DAB1: variants seen among roughly 807,000 people sequenced by gnomAD.
DAB1 encodes the protein DAB adaptor protein 1.
A neutral mutation model predicts 64.6 loss-of-function variants in DAB1; 15 were observed. The observed-to-expected ratio is 0.23, with a 90% CI of 0.16 to 0.36. The LOEUF (loss-of-function observed/expected upper bound fraction) is 0.36. DAB1 is among the 10% of genes least tolerant of loss of function. The pLI, the probability that DAB1 is intolerant of heterozygous loss-of-function variation, is 1.00. For synonymous variants in DAB1, 235 were observed against 251.9 expected, an observed-to-expected ratio of 0.93 and a Z score of 0.64; for missense variants, 596 against 706.7, an observed-to-expected ratio of 0.84 and a Z score of 1.78.
chr1:57,476,239 A>G (rs1212534309), intron 7 of DAB1, among the ~76,000 whole-genome samples: 2 of 151,604 alleles, frequency 1.3e-5, no homozygotes, highest in Non-Finnish European at 2.9e-5. Context: ...AAAAAAAAAA[A>G]ACAAAAAACA....
intron 3 of DAB1, among the ~76,000 whole-genome samples, chr1:58,485,972 T>C (rs906248504): frequency 5.9e-5 from 9 of 152,208 alleles, no homozygotes; most frequent in Admixed American, 2.6e-4. Context: ...CTGAGAATCC[T>C]GAGGAAGATT....
intron 2 of DAB1, among the ~76,000 whole-genome samples, chr1:57,230,775 C>G (rs1000954013): frequency 6.6e-6 from 1 of 152,104 alleles, no homozygotes; most frequent in Admixed American, 6.5e-5. Context: ...CAATTCTTCT[C>G]TTCTAGCTAT....
chr1:58,370,909 C>A (rs1388371555), intron 3 of DAB1, among the ~76,000 whole-genome samples: 1 of 152,178 alleles, frequency 6.6e-6, no homozygotes, highest in African/African-American at 2.4e-5. Flanking sequence ...CTCAATTAAA[C>A]CTCTTTCCTT....
At chr1:57,916,700 G>A (rs1644732029) in intron 5 of DAB1, among the ~76,000 whole-genome samples, 1 of 152,206 alleles carries the variant, frequency 6.6e-6, no homozygotes, top group Non-Finnish European at 1.5e-5. Context: ...CACTTTGGGA[G>A]GCCAAGGCGA....
intron 5 of DAB1, among the ~76,000 whole-genome samples, chr1:57,897,675 A>G (rs1294705114): frequency 2.6e-5 from 4 of 152,166 alleles, no homozygotes; most frequent in Admixed American, 2.6e-4. Flanking sequence ...AAGGAAACGC[A>G]GCTTGGGATG....
At chr1:57,079,156 C>T (rs1652250959) in intron 4 of DAB1, among the ~76,000 whole-genome samples, 1 of 152,078 alleles carries the variant, frequency 6.6e-6, no homozygotes, top group African/African-American at 2.4e-5. Context: ...AACAAGAGTT[C>T]TCTCTTGAGT....
At chr1:58,067,175 A>G (rs1048390728) in intron 5 of DAB1, among the ~76,000 whole-genome samples, 7 of 152,202 alleles carry the variant, frequency 4.6e-5, no homozygotes, top group Admixed American at 1.3e-4. Context: ...TATTTGAGTG[A>G]CTAAAATCAC....
chr1:58,039,705 C>T (rs879908955), intron 5 of DAB1, among the ~76,000 whole-genome samples: 4 of 152,126 alleles, frequency 2.6e-5, no homozygotes, highest in African/African-American at 4.8e-5. Context: ...CAGTGTGGCC[C>T]GGTAGTGAAG....
intron 4 of DAB1, among the ~76,000 whole-genome samples, chr1:58,306,467 C>T (rs938457071): frequency 3.3e-5 from 5 of 152,138 alleles, no homozygotes; most frequent in South Asian, 4.1e-4. Flanking sequence ...CCAATTCCTG[C>T]GCTGTTTCCC....
intron 1 of DAB1, among the ~76,000 whole-genome samples, chr1:57,305,345 C>A (rs956844236): frequency 2.0e-5 from 3 of 152,148 alleles, no homozygotes; most frequent in Admixed American, 1.3e-4. Context: ...AAAGGGAAAT[C>A]AAAAATACAG....
chr1:57,619,010 G>A (rs935105058), intron 7 of DAB1, among the ~76,000 whole-genome samples: 1 of 152,202 alleles, frequency 6.6e-6, no homozygotes, highest in Non-Finnish European at 1.5e-5. Flanking sequence ...AGAATTAAAT[G>A]AGTTAACCTT....
chr1:57,976,001 C>T (rs947566790), intron 5 of DAB1, among the ~76,000 whole-genome samples: 6 of 152,198 alleles, frequency 3.9e-5, no homozygotes, highest in African/African-American at 1.4e-4. Flanking sequence ...CCAGTTGGGT[C>T]ACTGTTCACT....
chr1:57,985,172 T>C (rs1441967321), intron 5 of DAB1, among the ~76,000 whole-genome samples: 1 of 152,216 alleles, frequency 6.6e-6, no homozygotes, highest in Admixed American at 6.5e-5. Context: ...CCTCCCAAAG[T>C]GCTGGGGTCG....
intron 4 of DAB1, among the ~76,000 whole-genome samples, chr1:58,284,595 T>A (rs529158809): frequency 6.6e-6 from 1 of 152,394 alleles, no homozygotes; most frequent in Admixed American, 6.5e-5. Context: ...AGGGCTTATG[T>A]TCATTTTGCT....
intron 7 of DAB1, among the ~76,000 whole-genome samples, chr1:57,518,185 G>GTCATCA (rs1379015614): frequency 6.8e-5 from 10 of 147,308 alleles, no homozygotes; most frequent in African/African-American, 2.7e-4. Flanking sequence ...AATTGTCGTT[G>GTCATCA]TCGTCATCAT....
rs551766924 is a variant in DAB1, at chr1:57,279,035, G to A, written c.67+11929C>T. On this transcript the variant is annotated intron_variant, in intron 2 of 14. Coordinates refer to ENST00000371236, the MANE Select transcript of DAB1 (RefSeq NM_001365792.1). The stretch of plus-strand genomic sequence containing the variant: ...TATTATTTCAGGTTTGGGGATGCCC[G>A]CTGGGAGGTGAACTAGGCTGATGAT... Among the ~76,000 whole-genome samples, 15 of 152,290 alleles carry A rather than the reference G, an allele frequency of 9.8e-5. 1 individual carries two copies. The highest frequency in any genetic ancestry group is 4.1e-4 in the South Asian group (2 of 4,820).
At chr1:57,894,225 C>A (rs1644359647) in intron 5 of DAB1, among the ~76,000 whole-genome samples, 1 of 152,176 alleles carries the variant, frequency 6.6e-6, no homozygotes, top group Admixed American at 6.5e-5. Flanking sequence ...TGCTCTAAAG[C>A]TTTTTAATAA....
intron 3 of DAB1, among the ~76,000 whole-genome samples, chr1:58,429,224 CTG>C (rs1644847330): frequency 6.6e-6 from 1 of 152,114 alleles, no homozygotes; most frequent in African/African-American, 2.4e-5. Context: ...TAACAAGACT[CTG>C]TCTCTAAAAA....
intron 7 of DAB1, among the ~76,000 whole-genome samples, chr1:57,439,551 C>G (rs1685853422): frequency 6.7e-6 from 1 of 149,544 alleles, no homozygotes; most frequent in African/African-American, 2.5e-5. Context: ...GCCTCAGCCT[C>G]CCGAGTAGCT....
Sources: gnomAD v4.1 joint callset for allele counts (sites outside exome capture counted in the v4.1 genomes callset) on GRCh38, gnomAD v4.1.1 for gene constraint, MANE v1.5 for transcripts, NCBI Gene and HGNC (gene_info 2026-07-23, HGNC 2026-07-21) for gene names.